The following THSD7A variants were observed in gnomAD, a reference collection of about 807,000 sequenced individuals.
THSD7A encodes thrombospondin type-1 domain-containing protein 7A.
In THSD7A, 96 loss-of-function variants were observed where a neutral mutation model predicts 231.3. That is an observed-to-expected ratio of 0.41 (90% CI 0.35 to 0.49). The LOEUF (loss-of-function observed/expected upper bound fraction) is 0.49, where lower values mean the gene tolerates loss of function less well. Among genes scored for constraint, THSD7A ranks in the 20% least tolerant of loss-of-function variants. The pLI, the probability that THSD7A is intolerant of heterozygous loss-of-function variation, is 0.05. For missense variants in THSD7A, 2,290 were observed against 2,070.2 expected (o/e 1.11, Z -2.06); for synonymous variants, 940 against 743.3 (o/e 1.26, Z -4.30).
chr7:11,798,433 C>T (rs1356202285), intron 1 of THSD7A, among the ~76,000 whole-genome samples: 4 of 151,136 alleles, frequency 2.6e-5, no homozygotes, highest in Non-Finnish European at 5.9e-5. Context: ...ATTACATCAT[C>T]GCACTCTAGC....
At position 11,807,160 on chromosome 7, in the gene THSD7A, T is replaced by C. The variant is rs574379023; in HGVS notation, c.190+24597A>G. ...TTTCCTAAGGAAGTTGTGTAGAATCTGTGTATTCCTTAGCCCTTCTCCACT... is the reference window on the plus strand; with the variant it reads ...TTTCCTAAGGAAGTTGTGTAGAATCCGTGTATTCCTTAGCCCTTCTCCACT... On this transcript the variant is annotated intron_variant, in intron 1 of 27. Transcript: ENST00000423059. Among the ~76,000 whole-genome samples, 5 of 152,232 alleles carry C rather than the reference T, an allele frequency of 3.3e-5. No homozygotes were observed. The East Asian group carries it at 9.7e-4, about 29-fold the overall frequency.
At chr7:11,771,268 A>T (rs1783220285) in intron 1 of THSD7A, among the ~76,000 whole-genome samples, 1 of 151,654 alleles carries the variant, frequency 6.6e-6, no homozygotes. Flanking sequence ...TCATGTAGGC[A>T]CATCTAATAA....
chr7:11,506,405 C>T (rs543150185), intron 6 of THSD7A, among the ~76,000 whole-genome samples: 1 of 152,334 alleles, frequency 6.6e-6, no homozygotes, highest in Non-Finnish European at 1.5e-5. Context: ...ATTAGTACTA[C>T]ATTCATTTAC....
intron 6 of THSD7A, among the ~76,000 whole-genome samples, chr7:11,502,600 A>G (rs566951743): frequency 1.3e-5 from 2 of 152,000 alleles, no homozygotes; most frequent in South Asian, 4.2e-4. Flanking sequence ...CATCTTAAAA[A>G]CTCTCAATAA....
At chr7:11,824,286 G>A (rs1234948905) in intron 1 of THSD7A, among the ~76,000 whole-genome samples, 1 of 151,828 alleles carries the variant, frequency 6.6e-6, no homozygotes, top group Non-Finnish European at 1.5e-5. Flanking sequence ...CTACACTGAG[G>A]GACTTCCAAT....
chr7:11,742,037 G>A (rs2128161105), intron 1 of THSD7A, among the ~76,000 whole-genome samples: 1 of 151,922 alleles, frequency 6.6e-6, no homozygotes, highest in East Asian at 2.0e-4. Context: ...TGAAACAAAG[G>A]CTTCCTAAAT....
In THSD7A at chr7:11,636,839, G is replaced by A. The variant is rs774228351; in HGVS notation, c.313C>T (p.Pro105Ser). 3.5e-5 allele frequency: 57 copies of A among 1,613,760 alleles called. No homozygotes were observed. The highest frequency in any genetic ancestry group is 4.8e-5 in the Non-Finnish European group (57 of 1,179,886). The change falls in exon 2 of 28, where the codon CCC becomes TCC. Residue 105 changes from proline (P) to serine (S), a missense_variant. Coordinates refer to ENST00000423059, the MANE Select transcript of THSD7A (RefSeq NM_015204.3). The surrounding 1 kb of genome is among the most constrained non-coding windows in gnomAD (Gnocchi z 10.0). ...TTGAAACAATTCTGCTGGTTATTGG[G>A]TCTCTCGGCCTGCTTACAGTTAGTA... ...LHTNCKQAER[P>S]NNQQNCFKVC...
At chr7:11,699,115 A>T (rs768087308) in intron 1 of THSD7A, among the ~76,000 whole-genome samples, 3 of 151,108 alleles carry the variant, frequency 2.0e-5, no homozygotes, top group Non-Finnish European at 4.4e-5. Context: ...CAAATAAGAT[A>T]GTGTGACTTC....
At chr7:11,538,614 T>G (rs112489282) in intron 6 of THSD7A, among the ~76,000 whole-genome samples, 172 of 152,328 alleles carry the variant, frequency 1.1e-3, no homozygotes, top group African/African-American at 4.0e-3. Context: ...TGCGTTTGTG[T>G]TCAGAGACCT....
At chr7:11,616,776 G>C (rs1319359785) in intron 2 of THSD7A, among the ~76,000 whole-genome samples, 1 of 151,970 alleles carries the variant, frequency 6.6e-6, no homozygotes, top group Non-Finnish European at 1.5e-5. Flanking sequence ...TCTTGAAAGG[G>C]CACATCCTGT....
intron 1 of THSD7A, among the ~76,000 whole-genome samples, chr7:11,639,496 T>C (rs886748788): frequency 1.3e-5 from 2 of 151,884 alleles, no homozygotes; most frequent in African/African-American, 2.4e-5. Flanking sequence ...AGTGAAACCC[T>C]GTCTGTACTA....
intron 2 of THSD7A, among the ~76,000 whole-genome samples, chr7:11,608,502 C>T (rs139639242): frequency 1.6e-3 from 239 of 152,236 alleles, no homozygotes; most frequent in African/African-American, 5.3e-3. Flanking sequence ...TTGACTAGAA[C>T]ATTGGGTTAC....
intron 1 of THSD7A, among the ~76,000 whole-genome samples, chr7:11,734,730 T>C (rs1347269943): frequency 2.0e-5 from 3 of 151,960 alleles, no homozygotes; most frequent in African/African-American, 4.8e-5. Flanking sequence ...AAAATTTTTT[T>C]CCCCATATTC....
chr7:11,670,998 G>C (rs1783366964), intron 1 of THSD7A, among the ~76,000 whole-genome samples: 1 of 152,162 alleles, frequency 6.6e-6, no homozygotes, highest in African/African-American at 2.4e-5. Flanking sequence ...GATTTCACAA[G>C]TTTGGTAATA....
intron 1 of THSD7A, chr7:11,820,304 T>C (rs1294094422): frequency 1.6e-6 from 1 of 618,810 alleles, no homozygotes; most frequent in Non-Finnish European, 2.5e-6. Flanking sequence ...AGGAATTCCG[T>C]AAAGAGTGGA....
chr7:11,467,788 G>A (rs1393687570), intron 9 of THSD7A, among the ~76,000 whole-genome samples: 6 of 151,590 alleles, frequency 4.0e-5, no homozygotes, highest in South Asian at 2.1e-4. Context: ...TATATAATAC[G>A]TAACAAAATC....
At chr7:11,820,770 A>G in intron 1 of THSD7A, 1 of 1,204,068 alleles carries the variant, frequency 8.3e-7, no homozygotes, top group Non-Finnish European at 1.2e-6. Flanking sequence ...GAGTGAGATG[A>G]CCGGGAGGAA....
At chr7:11,604,449 T>C (rs1400660215) in intron 2 of THSD7A, among the ~76,000 whole-genome samples, 1 of 152,196 alleles carries the variant, frequency 6.6e-6, no homozygotes, top group African/African-American at 2.4e-5. Context: ...TTTTAATAGT[T>C]ACTGCCAGGA....
At chr7:11,697,767 T>C (rs886199611) in intron 1 of THSD7A, among the ~76,000 whole-genome samples, 10 of 151,380 alleles carry the variant, frequency 6.6e-5, no homozygotes, top group Non-Finnish European at 1.5e-4. Context: ...GTGCAGAAAA[T>C]GCAAGAACCT....
Sources: gnomAD v4.1 joint callset for allele counts (sites outside exome capture counted in the v4.1 genomes callset) on GRCh38, gnomAD v4.1.1 for gene constraint, Gnocchi (gnomAD v3.1) non-coding constraint, MANE v1.5 for transcripts, NCBI Gene and HGNC (gene_info 2026-07-23, HGNC 2026-07-21) for gene names.